Variants in PCM1 observed in about 807,000 individuals in gnomAD.
The protein encoded by PCM1 is pericentriolar material 1.
A neutral mutation model predicts 241.9 loss-of-function variants in PCM1; 157 were observed. The observed-to-expected ratio is 0.65, with a 90% CI of 0.57 to 0.74. The LOEUF is 0.74. PCM1 is among the 30% of genes least tolerant of loss of function. The pLI, the probability that PCM1 is intolerant of heterozygous loss-of-function variation, is 0.00. For synonymous variants in PCM1, 1,085 were observed against 784.9 expected (o/e 1.38, Z -6.39); for missense variants, 3,478 against 2,360.1 (o/e 1.47, Z -9.81).
chr8:17,938,347 G>C (rs889816474), intron 4 of PCM1, among the ~76,000 whole-genome samples: 1 of 152,024 alleles, frequency 6.6e-6, no homozygotes, highest in Non-Finnish European at 1.5e-5. Context: ...AAACATAAAT[G>C]AATTTTATGT....
intron 6 of PCM1, among the ~76,000 whole-genome samples, chr8:17,944,080 C>T (rs1244244398): frequency 1.3e-5 from 2 of 152,076 alleles, no homozygotes; most frequent in Non-Finnish European, 2.9e-5. Context: ...ACTCATGGCC[C>T]CCAACTTAAT....
chr8:17,965,786 A>G (rs1816085895), intron 18 of PCM1, among the ~76,000 whole-genome samples: 1 of 152,238 alleles, frequency 6.6e-6, no homozygotes, highest in Non-Finnish European at 1.5e-5. Context: ...GTGTAAAAAC[A>G]TACATGAAAA....
At chr8:17,973,555 CT>C (rs1239615317) in intron 23 of PCM1, among the ~76,000 whole-genome samples, 1 of 151,912 alleles carries the variant, frequency 6.6e-6, no homozygotes, top group Non-Finnish European at 1.5e-5. Context: ...CCCATCTCTA[CT>C]AAAAGTACAA....
intron 3 of PCM1, among the ~76,000 whole-genome samples, chr8:17,936,514 T>C (rs993121524): frequency 6.6e-6 from 1 of 152,196 alleles, no homozygotes; most frequent in Non-Finnish European, 1.5e-5. Context: ...TTTTTGTAAT[T>C]CCATATTAGC....
At position 17,966,429 on chromosome 8, in the gene PCM1, C is replaced by T. The variant is rs771193843; in HGVS notation, c.3177C>T (p.Asn1059=). The T allele has an allele frequency of 1.9e-6, 3 of 1,613,722 alleles. No homozygotes were observed. Among genetic ancestry groups the T allele is most frequent in the Admixed American group, 3.3e-5 (2 of 60,016 alleles). ...TACACTTCATAATGCACCAGTTGAA[C>T]CAGTGCTATACTCAGCTAACATGGC... is the stretch of plus-strand genomic sequence containing the variant. ...PQVHFIMHQL[N]QCYTQLTWQQ... is the part of the protein sequence containing the mutation. Residue 1059 remains asparagine (N), a synonymous_variant, in exon 20 of 39, where the codon AAC becomes AAT. Coordinates refer to ENST00000325083, the MANE Select transcript of PCM1 (RefSeq NM_006197.4).
At chr8:17,999,158 G>T (rs1386388567) in intron 29 of PCM1, among the ~76,000 whole-genome samples, 1 of 151,962 alleles carries the variant, frequency 6.6e-6, no homozygotes, top group African/African-American at 2.4e-5. Flanking sequence ...TGATCGCTCT[G>T]GTACTTAAGG....
chr8:17,923,563 T>G (rs1423101126), intron 1 of PCM1, among the ~76,000 whole-genome samples: 1 of 152,004 alleles, frequency 6.6e-6, no homozygotes, highest in Admixed American at 6.6e-5. Flanking sequence ...CTAGGGGCAC[T>G]GGGTCGAGTT....
At chr8:17,986,139 ATAAAAGT>A in intron 26 of PCM1, 52 bp downstream of exon 26, 1 of 1,241,324 alleles carries the variant, frequency 8.1e-7, no homozygotes, top group Non-Finnish European at 1.1e-6. Context: ...TATGCAGTAA[ATAAAAGT>A]TAAATAGATT....
At chr8:17,963,067 T>A (rs1284453397) in intron 16 of PCM1, 34 bp from the exon 17 acceptor site, 1 of 1,512,394 alleles carries the variant, frequency 6.6e-7, no homozygotes, top group Admixed American at 2.0e-5. Context: ...CAAATCCAAA[T>A]ATTTATTTAA....
At chr8:18,026,927 T>C (rs920677371) in intron 38 of PCM1, among the ~76,000 whole-genome samples, 2 of 152,224 alleles carry the variant, frequency 1.3e-5, no homozygotes, top group Admixed American at 1.3e-4. Context: ...TTCTATACCT[T>C]CTCTGAGGTT....
Position 17,967,044 on chromosome 8 carries a change from A to G in PCM1, c.3286A>G (p.Lys1096Glu), listed in dbSNP as rs1196645969. The change falls in exon 21 of 39, where the codon AAG becomes GAG. Residue 1096 changes from lysine to glutamate, a missense_variant. Physicochemically the swap from Lys to Glu is moderately conservative, Grantham distance 56 (BLOSUM62 1). Coordinates refer to ENST00000325083, the MANE Select transcript of PCM1 (RefSeq NM_006197.4). ...QNQHPEKPGGKERGSSASHPP... is the reference protein window; with the variant it reads ...QNQHPEKPGGEERGSSASHPP... ...TCAGCATCCAGAAAAACCTGGAGGC[A>G]AGGAAAGAGGCAGTAGTGCATCGCA... is the stretch of plus-strand genomic sequence containing the variant. 1 of 1,609,846 alleles carries G rather than the reference A, an allele frequency of 6.2e-7. No individual in the cohort carries two copies. Among genetic ancestry groups the G allele is most frequent in the South Asian group, 1.1e-5 (1 of 89,964 alleles).
chr8:17,940,026 C>T (rs756521870), intron 6 of PCM1, 165 bp downstream of exon 6: 46 of 1,475,644 alleles, frequency 3.1e-5, no homozygotes, highest in African/African-American at 5.5e-5. Flanking sequence ...TGATTTATAC[C>T]GCTAAAATAT....
chr8:17,955,143 A>G (rs1469766149), intron 9 of PCM1, among the ~76,000 whole-genome samples: 2 of 152,200 alleles, frequency 1.3e-5, no homozygotes, highest in African/African-American at 2.4e-5. Flanking sequence ...AGTTAAAACT[A>G]ACTAGAGTAC....
intron 2 of PCM1, among the ~76,000 whole-genome samples, chr8:17,930,906 T>G (rs2058809503): frequency 6.6e-6 from 1 of 151,976 alleles, no homozygotes; most frequent in Non-Finnish European, 1.5e-5. Flanking sequence ...TTCATCCATA[T>G]GCAATTATTT....
rs190698287 is a variant in PCM1, at chr8:17,992,410, A to G, written c.4690+710A>G. ...TTTTACCACATCCACACTAACATCT[A>G]TTATTTTTTGATTTTTAAATTACGG... On this transcript the variant is annotated intron_variant, in intron 28 of 38. Transcript: ENST00000325083. 2.0e-4 allele frequency among the ~76,000 whole-genome samples: 30 copies of G among 152,152 alleles called. 1 individual carries two copies. The highest frequency in any genetic ancestry group is 1.7e-3 in the Admixed American group (26 of 15,276).
intron 24 of PCM1, among the ~76,000 whole-genome samples, chr8:17,981,136 C>G (rs1389029076): frequency 6.6e-6 from 1 of 152,156 alleles, no homozygotes; most frequent in Non-Finnish European, 1.5e-5. Context: ...ACATGGCCAT[C>G]AGGGATTTGG....
At chr8:17,936,239 G>A (rs937043264) in intron 3 of PCM1, among the ~76,000 whole-genome samples, 3 of 152,062 alleles carry the variant, frequency 2.0e-5, no homozygotes, top group Admixed American at 6.6e-5. Context: ...TCTTTTTTCA[G>A]TCTTCTGTGG....
chr8:17,979,138 A>G (rs554575079), intron 23 of PCM1, among the ~76,000 whole-genome samples: 33 of 152,126 alleles, frequency 2.2e-4, no homozygotes, highest in South Asian at 6.2e-4. Flanking sequence ...GAAAAGAAAA[A>G]AAAAAAAAAA....
chr8:17,926,746 A>G (rs62500083), intron 2 of PCM1: 1,666 of 152,320 alleles, frequency 0.011, 12 homozygotes, highest in Non-Finnish European at 0.017. Flanking sequence ...TGATGGATTT[A>G]GGGAGAGAGA....
Sources: allele counts gnomAD v4.1 joint callset (sites outside exome capture counted in the v4.1 genomes callset), GRCh38; gene constraint gnomAD v4.1.1; transcripts MANE v1.5; gene names NCBI Gene and HGNC (gene_info 2026-07-23, HGNC 2026-07-21).